LRFN5: variants seen among roughly 807,000 people sequenced by gnomAD.
LRFN5 encodes leucine-rich repeat and fibronectin type-III domain-containing protein 5.
Under a neutral mutation model 45.6 loss-of-function variants are expected in LRFN5, and 24 were observed. The ratio of observed to expected loss-of-function variants is 0.53; its 90% CI spans 0.38 to 0.74. The LOEUF (loss-of-function observed/expected upper bound fraction) is 0.74. Ranked by LOEUF, LRFN5 falls within the 30% of genes least tolerant of loss-of-function variation. LRFN5 has a pLI of 0.00. For missense variants in LRFN5, 776 were observed against 861.5 expected, an observed-to-expected ratio of 0.90 and a Z score of 1.24; for synonymous variants, 340 against 313.8, an observed-to-expected ratio of 1.08 and a Z score of -0.88.
intron 1 of LRFN5, among the ~76,000 whole-genome samples, chr14:41,762,635 G>A (rs577665069): frequency 6.6e-6 from 1 of 151,980 alleles, no homozygotes; most frequent in African/African-American, 2.4e-5. Context: ...TTTTGCTTGT[G>A]TCCCAAATTA....
rs145038879 is a variant in LRFN5 at position 41,662,252 on chromosome 14, T to C, written c.-197+53690T>C. ...CGTCTCCTTCACATTTGGTAGTTAGTTATTCATGACATTGTTCCTAACCAC... is the reference window on the plus strand; with the variant it reads ...CGTCTCCTTCACATTTGGTAGTTAGCTATTCATGACATTGTTCCTAACCAC... On this transcript the variant is annotated intron_variant, in intron 1 of 5. Transcript: ENST00000298119. 9.1e-3 allele frequency among the ~76,000 whole-genome samples: 1,382 copies of C among 152,156 alleles called. 6 individuals are homozygous for C. The highest frequency in any genetic ancestry group is 0.015 in the East Asian group (75 of 5,160).
At chr14:41,633,850 T>C (rs985245373) in intron 1 of LRFN5, among the ~76,000 whole-genome samples, 1 of 150,110 alleles carries the variant, frequency 6.7e-6, no homozygotes, top group African/African-American at 2.5e-5. Context: ...TACACAAGTG[T>C]ATGTATGTAT....
At chr14:41,661,682 C>G (rs1880661779) in intron 1 of LRFN5, among the ~76,000 whole-genome samples, 1 of 151,900 alleles carries the variant, frequency 6.6e-6, no homozygotes, top group Non-Finnish European at 1.5e-5. Context: ...ATGTGGAGCA[C>G]AGAGAGAGGA....
At chr14:41,715,092 C>A (rs1203759217) in intron 1 of LRFN5, among the ~76,000 whole-genome samples, 2 of 151,938 alleles carry the variant, frequency 1.3e-5, no homozygotes, top group African/African-American at 2.4e-5. Flanking sequence ...GTAACATATC[C>A]ATGAATTAAA....
At chr14:41,858,445 GGA>G (rs1392695384) in intron 2 of LRFN5, among the ~76,000 whole-genome samples, 3 of 151,988 alleles carry the variant, frequency 2.0e-5, no homozygotes, top group African/African-American at 7.2e-5. Context: ...CTGCCAATAA[GGA>G]TTATGTTCTC....
intron 2 of LRFN5, among the ~76,000 whole-genome samples, chr14:41,781,344 A>G (rs1331211687): frequency 6.6e-6 from 1 of 151,942 alleles, no homozygotes; most frequent in Non-Finnish European, 1.5e-5. Context: ...CAATGTAGTG[A>G]AACCTCTTTT....
In LRFN5 at chr14:41,607,305, A is replaced by G. The variant is rs897319122; in HGVS notation, c.-1454A>G. ...CATTTTGCACGGTCCGTTATATCAG[A>G]AAAAAAAAGCGCAACTGGACGGGGG... On this transcript the variant is annotated 5_prime_UTR_variant, in exon 1 of 6. Transcript: ENST00000298119. Among the ~76,000 whole-genome samples the G allele has an allele frequency of 8.4e-5, 4 of 47,350 alleles. No homozygotes were observed. Among genetic ancestry groups the G allele is most frequent in the African/African-American group, 2.3e-4 (4 of 17,760 alleles). The allele number at this position is 47,350 out of a possible 152,430, so 31.1% of individuals were successfully genotyped here.
At chr14:41,734,514 T>A (rs534957152) in intron 1 of LRFN5, among the ~76,000 whole-genome samples, 1 of 150,990 alleles carries the variant, frequency 6.6e-6, no homozygotes, top group South Asian at 2.1e-4. Flanking sequence ...TGGAATACCT[T>A]TTTTCCATTC....
chr14:41,892,845 A>G, intron 4 of LRFN5: 1 of 985,202 alleles, frequency 1.0e-6, no homozygotes, highest in Non-Finnish European at 1.2e-6. Context: ...CTATGCATCT[A>G]CATGGACATA....
intron 1 of LRFN5, among the ~76,000 whole-genome samples, chr14:41,663,925 C>A: frequency 6.6e-6 from 1 of 151,988 alleles, no homozygotes; most frequent in East Asian, 1.9e-4. Context: ...GATCAATACA[C>A]ATTAACAACT....
At chr14:41,743,526 T>C (rs1197628347) in intron 1 of LRFN5, among the ~76,000 whole-genome samples, 1 of 152,090 alleles carries the variant, frequency 6.6e-6, no homozygotes, top group Non-Finnish European at 1.5e-5. Flanking sequence ...TTACTAGAGA[T>C]TGGGGAAGGA....
At chr14:41,757,493 G>A (rs1036985369) in intron 1 of LRFN5, among the ~76,000 whole-genome samples, 2 of 152,230 alleles carry the variant, frequency 1.3e-5, no homozygotes, top group African/African-American at 2.4e-5. Flanking sequence ...CCGCCTTGCA[G>A]TTTGATCTCA....
intron 2 of LRFN5, among the ~76,000 whole-genome samples, chr14:41,808,194 A>AGAGG (rs770046576): frequency 1.2e-5 from 1 of 80,986 alleles, no homozygotes; most frequent in African/African-American, 5.2e-5. Context: ...AAGAGGAAGT[A>AGAGG]GAGGGAAGGA....
intron 1 of LRFN5, among the ~76,000 whole-genome samples, chr14:41,679,830 T>G (rs1390680371): frequency 1.3e-5 from 2 of 152,122 alleles, no homozygotes; most frequent in South Asian, 4.1e-4. Flanking sequence ...ATTCCAGGCC[T>G]TGGGTCTTGG....
chr14:41,840,584 G>T (rs1888825326), intron 2 of LRFN5, among the ~76,000 whole-genome samples: 1 of 151,856 alleles, frequency 6.6e-6, no homozygotes, highest in Non-Finnish European at 1.5e-5. Flanking sequence ...TAAGAACTCT[G>T]GTGTACCTCT....
At chr14:41,867,729 C>T (rs546649043) in intron 2 of LRFN5, among the ~76,000 whole-genome samples, 1 of 152,100 alleles carries the variant, frequency 6.6e-6, no homozygotes. Flanking sequence ...CTGAAAAAAT[C>T]TCCTCATTCA....
intron 1 of LRFN5, among the ~76,000 whole-genome samples, chr14:41,721,043 G>A (rs776659892): frequency 3.3e-5 from 5 of 152,014 alleles, no homozygotes; most frequent in Admixed American, 6.6e-5. Context: ...AGAAGTAGTT[G>A]TTTTATTAAC....
At chr14:41,689,181 T>A (rs1882257819) in intron 1 of LRFN5, among the ~76,000 whole-genome samples, 1 of 151,998 alleles carries the variant, frequency 6.6e-6, no homozygotes, top group Non-Finnish European at 1.5e-5. Context: ...TAACTTAAAT[T>A]TATTCCTTAA....
At position 41,649,222 on chromosome 14, in the gene LRFN5, G is replaced by A. The variant is rs111855830; in HGVS notation, c.-197+40660G>A. On this transcript the variant is annotated intron_variant, in intron 1 of 5. Coordinates refer to ENST00000298119, the MANE Select transcript of LRFN5 (RefSeq NM_152447.5). ...TGCACTTCAACCTGGGCAAAAGAGC[G>A]AGAGTCTGTCTCCCCACCACCCCCA... is the stretch of plus-strand genomic sequence containing the variant. Among the ~76,000 whole-genome samples the A allele has an allele frequency of 6.4e-3, 973 of 152,006 alleles. 15 individuals are homozygous for A. The highest frequency in any genetic ancestry group is 0.023 in the African/African-American group (933 of 41,464).
Sources: allele counts gnomAD v4.1 joint callset (sites outside exome capture counted in the v4.1 genomes callset), GRCh38; gene constraint gnomAD v4.1.1; transcripts MANE v1.5; gene names NCBI Gene and HGNC (gene_info 2026-07-23, HGNC 2026-07-21).